Variants in PTPRE observed in about 807,000 individuals in gnomAD.
The protein encoded by PTPRE is receptor-type tyrosine-protein phosphatase epsilon.
In PTPRE, 51 loss-of-function variants were observed where a neutral mutation model predicts 102.0. The ratio of observed to expected loss-of-function variants is 0.50; its 90% confidence interval spans 0.40 to 0.63. The LOEUF (loss-of-function observed/expected upper bound fraction) is 0.63, where lower values mean the gene tolerates loss of function less well. PTPRE is among the 30% of genes least tolerant of loss of function. PTPRE has a pLI of 0.00. For missense variants in PTPRE, 752 were observed against 915.1 expected (o/e 0.82, Z 2.30); for synonymous variants, 345 against 348.2 (o/e 0.99, Z 0.10).
chr10:127,955,325 T>TATACATACACACATAA (rs1849327130), intron 1 of PTPRE, among the ~76,000 whole-genome samples: 1 of 135,586 alleles, frequency 7.4e-6, no homozygotes, highest in Non-Finnish European at 1.6e-5. Flanking sequence ...TACATACATA[T>TATACATACACACATAA]ATACATACAC....
intron 2 of PTPRE, among the ~76,000 whole-genome samples, chr10:127,993,020 GGATA>G (rs2135516135): frequency 1.3e-5 from 2 of 152,190 alleles, no homozygotes; most frequent in East Asian, 3.9e-4. Context: ...AGTGTGCCTG[GGATA>G]TCTGAAAAAG....
At chr10:127,971,105 A>G (rs2135424632) in intron 1 of PTPRE, among the ~76,000 whole-genome samples, 1 of 152,290 alleles carries the variant, frequency 6.6e-6, no homozygotes, top group East Asian at 1.9e-4. Context: ...CCCTGCCTGT[A>G]AGTCTCACTG....
chr10:128,051,767 G>A (rs35466784), intron 6 of PTPRE, among the ~76,000 whole-genome samples: 18,648 of 152,274 alleles, frequency 0.12, 1,376 homozygotes, highest in East Asian at 0.24. Context: ...GGGTAGAGAC[G>A]CGGTGGAGGG....
At chr10:127,945,385 G>A (rs1037087978) in intron 1 of PTPRE, among the ~76,000 whole-genome samples, 2 of 152,212 alleles carry the variant, frequency 1.3e-5, no homozygotes, top group Non-Finnish European at 2.9e-5. Context: ...GAAGCCCAAG[G>A]CAACATGCCA....
chr10:127,977,892 C>T (rs1409973851), intron 1 of PTPRE, among the ~76,000 whole-genome samples: 1 of 152,148 alleles, frequency 6.6e-6, no homozygotes. Flanking sequence ...GCTTCTGTTC[C>T]CTGGAAGCAG....
chr10:127,998,982 A>C (rs1334510359), intron 2 of PTPRE: 1 of 152,094 alleles, frequency 6.6e-6, no homozygotes, highest in Non-Finnish European at 1.5e-5. Context: ...GAAGTGCTGT[A>C]GAAGGGGGCA....
At chr10:128,038,425 A>G (rs1046114485) in intron 2 of PTPRE, among the ~76,000 whole-genome samples, 1 of 152,146 alleles carries the variant, frequency 6.6e-6, no homozygotes, top group Non-Finnish European at 1.5e-5. Context: ...CAACAATGAG[A>G]GATTGGATTA....
intron 1 of PTPRE, among the ~76,000 whole-genome samples, chr10:127,945,601 C>T (rs551550071): frequency 6.6e-6 from 1 of 152,336 alleles, no homozygotes; most frequent in South Asian, 2.1e-4. Context: ...ATGACATGTT[C>T]TCAGGGAAGT....
At chr10:128,013,921 G>C (rs1013488256) in intron 2 of PTPRE, among the ~76,000 whole-genome samples, 2 of 152,190 alleles carry the variant, frequency 1.3e-5, no homozygotes, top group African/African-American at 4.8e-5. Flanking sequence ...ACCTTTGAAT[G>C]CAAGTAGGTG....
intron 2 of PTPRE, among the ~76,000 whole-genome samples, chr10:128,001,813 G>A (rs1316613631): frequency 6.6e-6 from 1 of 152,222 alleles, no homozygotes; most frequent in African/African-American, 2.4e-5. Context: ...TGTTAGCTGG[G>A]CAAACGTAAG....
At chr10:127,911,506 A>C (rs546997030) in intron 1 of PTPRE, among the ~76,000 whole-genome samples, 2 of 152,348 alleles carry the variant, frequency 1.3e-5, no homozygotes, top group East Asian at 3.9e-4. Flanking sequence ...TCTAGACCAG[A>C]ACATAAAGCT....
intron 1 of PTPRE, among the ~76,000 whole-genome samples, chr10:127,966,572 T>A (rs1293872065): frequency 6.6e-6 from 1 of 152,132 alleles, no homozygotes; most frequent in Non-Finnish European, 1.5e-5. Context: ...CTGAGGGGTT[T>A]GCTGGGATGG....
chr10:127,932,064 A>G (rs1847486028), intron 1 of PTPRE, among the ~76,000 whole-genome samples: 1 of 152,204 alleles, frequency 6.6e-6, no homozygotes, highest in Non-Finnish European at 1.5e-5. Flanking sequence ...CTTATTTATG[A>G]TGAATATATT....
intron 1 of PTPRE, among the ~76,000 whole-genome samples, chr10:127,920,119 G>A (rs1846490268): frequency 6.6e-6 from 1 of 152,186 alleles, no homozygotes; most frequent in Non-Finnish European, 1.5e-5. Context: ...ATGATGTTGG[G>A]TGGGAGTTAC....
chr10:128,053,849 C>T (rs1251713429), intron 6 of PTPRE, among the ~76,000 whole-genome samples: 2 of 152,164 alleles, frequency 1.3e-5, no homozygotes, highest in Middle Eastern at 3.2e-3. Flanking sequence ...CAACCTCCGC[C>T]TCCCAGGTTC....
chr10:128,019,095 G>A (rs1845655633), intron 2 of PTPRE, among the ~76,000 whole-genome samples: 1 of 152,192 alleles, frequency 6.6e-6, no homozygotes, highest in Non-Finnish European at 1.5e-5. Flanking sequence ...CCAGGCATTG[G>A]GGCATCCCCT....
chr10:128,047,921 T>C (rs1848239762), intron 5 of PTPRE, 84 bp downstream of exon 5: 1 of 1,406,440 alleles, frequency 7.1e-7, no homozygotes, highest in African/African-American at 1.4e-5. Flanking sequence ...GCCTTTAACG[T>C]TCAAAGTAAA....
chr10:128,056,039 A>G, intron 6 of PTPRE, 84 bp from the exon 7 acceptor site: 1 of 1,112,668 alleles, frequency 9.0e-7, no homozygotes, highest in Non-Finnish European at 1.3e-6. Context: ...TGTTTTCATT[A>G]ATTCCTGTGC....
chr10:128,006,170 C>A (rs1314368903), intron 2 of PTPRE, among the ~76,000 whole-genome samples: 2 of 152,224 alleles, frequency 1.3e-5, no homozygotes, highest in Non-Finnish European at 2.9e-5. Flanking sequence ...TTGTTTGCAG[C>A]TGGCTGATGA....
Sources: allele counts gnomAD v4.1 joint callset (sites outside exome capture counted in the v4.1 genomes callset), GRCh38; gene constraint gnomAD v4.1.1; transcripts MANE v1.5; gene names NCBI Gene and HGNC (gene_info 2026-07-23, HGNC 2026-07-21).